The following TOX2 variants were observed in gnomAD, a reference collection of about 807,000 sequenced individuals.
TOX2 encodes granulosa cell HMG box 1.
A neutral mutation model predicts 47.4 loss-of-function variants in TOX2; 15 were observed. The observed-to-expected ratio is 0.32, with a 90% confidence interval of 0.21 to 0.49. TOX2 has a LOEUF of 0.49. Among genes scored for constraint, TOX2 ranks in the 20% least tolerant of loss-of-function variants. The pLI, the probability that TOX2 is intolerant of heterozygous loss-of-function variation, is 0.99. For synonymous variants in TOX2, 290 were observed against 296.6 expected (o/e 0.98, Z 0.23); for missense variants, 622 against 673.1 (o/e 0.92, Z 0.84).
At chr20:43,990,680 G>A (rs1569070071) in intron 2 of TOX2, among the ~76,000 whole-genome samples, 1 of 152,154 alleles carries the variant, frequency 6.6e-6, no homozygotes, top group Non-Finnish European at 1.5e-5. Flanking sequence ...GGCCTTGGAT[G>A]CCAAGCAGAG....
At chr20:44,016,626 G>A (rs1320909266) in intron 3 of TOX2, among the ~76,000 whole-genome samples, 1 of 152,032 alleles carries the variant, frequency 6.6e-6, no homozygotes, top group African/African-American at 2.4e-5. Context: ...AAATAAAAAC[G>A]AAAAATGTCT....
chr20:43,934,755 A>G (rs1326827525), intron 1 of TOX2, among the ~76,000 whole-genome samples: 1 of 150,230 alleles, frequency 6.7e-6, no homozygotes, highest in Non-Finnish European at 1.5e-5. Context: ...GCTTCTCCAC[A>G]TTGTCCACCC....
rs745681369 is a variant in TOX2 at position 44,056,981 on chromosome 20, C to T, written c.879+2455C>T. Among the ~76,000 whole-genome samples the T allele has an allele frequency of 3.3e-5, 5 of 152,212 alleles. No individual in the cohort carries two copies. In the East Asian group the frequency reaches 9.6e-4, roughly 29 times the overall value. The stretch of plus-strand genomic sequence containing the variant: ...CTAGAGGTCAGTGGCATGATCATAG[C>T]TCACTGCAGCCTTGAACTCCTGGGC... On this transcript the variant is annotated intron_variant, in intron 5 of 8. Coordinates refer to ENST00000341197, the MANE Select transcript of TOX2 (RefSeq NM_001098797.2).
At chr20:44,064,146 G>A (rs1447915479) in intron 5 of TOX2, among the ~76,000 whole-genome samples, 1 of 152,134 alleles carries the variant, frequency 6.6e-6, no homozygotes, top group African/African-American at 2.4e-5. Context: ...AGTTCCAAGA[G>A]TAGCAAGAGG....
chr20:43,934,273 G>T (rs1203012929), intron 1 of TOX2, among the ~76,000 whole-genome samples: 2 of 152,098 alleles, frequency 1.3e-5, no homozygotes, highest in African/African-American at 4.8e-5. Flanking sequence ...AAGAAGCATA[G>T]GAGGAGAACA....
chr20:44,005,722 C>A (rs6017240), intron 2 of TOX2, among the ~76,000 whole-genome samples: 115,924 of 152,148 alleles, frequency 0.76, 45,228 homozygotes, highest in African/African-American at 0.94. Context: ...GAATTTGATA[C>A]AATTGAAAAG....
At chr20:43,988,162 C>A (rs1045183231) in intron 2 of TOX2, among the ~76,000 whole-genome samples, 1 of 152,118 alleles carries the variant, frequency 6.6e-6, no homozygotes, top group African/African-American at 2.4e-5. Flanking sequence ...TCGTGATCTG[C>A]CCGCCTCGGC....
chr20:44,054,329 C>G lies in TOX2; in HGVS notation c.682C>G (p.Pro228Ala). The stretch of plus-strand genomic sequence containing the variant: ...GGGAGAAAAGAGACCTTCAGCCGAC[C>G]CAGGAAAAAAGGCCAAGAACCCGAA... ...ISGEKRPSAD[P>A]GKKAKNPKKK... The change falls in exon 5 of 9, where the codon CCA (proline) becomes GCA (alanine). Residue 228 changes from proline (P) to alanine (A), a missense_variant. Coordinates refer to ENST00000341197, the MANE Select transcript of TOX2 (RefSeq NM_001098797.2). 8 of 1,611,950 alleles carry G rather than the reference C, an allele frequency of 5.0e-6. No individual in the cohort carries two copies.
intron 1 of TOX2, among the ~76,000 whole-genome samples, chr20:43,970,062 C>T (rs1047633318): frequency 1.3e-5 from 2 of 152,136 alleles, no homozygotes; most frequent in Non-Finnish European, 2.9e-5. Flanking sequence ...ACCTGTTATG[C>T]GCCAGGCCCA....
At chr20:43,942,895 TA>T (rs1226137934) in intron 1 of TOX2, among the ~76,000 whole-genome samples, 1 of 151,942 alleles carries the variant, frequency 6.6e-6, no homozygotes, top group East Asian at 1.9e-4. Flanking sequence ...AAAAAAGAAC[TA>T]AAAAAATGCT....
At chr20:44,057,068 C>T (rs1467762480) in intron 5 of TOX2, among the ~76,000 whole-genome samples, 25 of 152,172 alleles carry the variant, frequency 1.6e-4, no homozygotes, top group Admixed American at 1.6e-3. Context: ...CATGCATCAC[C>T]ATGCCCCACA....
intron 1 of TOX2, among the ~76,000 whole-genome samples, chr20:43,932,556 C>T (rs1189962756): frequency 3.3e-5 from 5 of 152,306 alleles, no homozygotes; most frequent in Middle Eastern, 3.4e-3. Context: ...GCAGAGTTGA[C>T]GGAGCTTTGC....
chr20:44,023,124 T>G (rs1600748507), intron 3 of TOX2, among the ~76,000 whole-genome samples: 16 of 133,788 alleles, frequency 1.2e-4, no homozygotes, highest in South Asian at 2.4e-4. Flanking sequence ...GGAAGTGAGG[T>G]AGGAGGGAAA....
chr20:43,915,072 C>A lies in TOX2; in HGVS notation c.99+82C>A. The A allele has an allele frequency of 1.2e-6, 1 of 844,434 alleles. No homozygotes were observed. The highest frequency in any genetic ancestry group is 1.5e-6 in the Non-Finnish European group (1 of 667,210). 52.3% of individuals were successfully genotyped at this position (844,434 alleles called of 1,614,324 possible). A position where few individuals can be genotyped will look rare whatever the true frequency, so the allele number is the denominator to read the frequency against. On this transcript the variant is annotated intron_variant, in intron 1 of 8. Transcript: ENST00000341197. This position sits in a 1 kb window ranked among gnomAD's most constrained non-coding sequence, Gnocchi z 7.1. The stretch of plus-strand genomic sequence containing the variant: ...CGGGACTCAGGCGCTCCCGGGGTCA[C>A]ACGGGGCCGCGCACATCAGCCCCGC...
chr20:43,962,751 T>A (rs1455206472), intron 1 of TOX2, among the ~76,000 whole-genome samples: 1 of 152,182 alleles, frequency 6.6e-6, no homozygotes, highest in Non-Finnish European at 1.5e-5. Context: ...TCTCTGGGGT[T>A]CTGGGTCAGG....
At chr20:44,024,799 T>C (rs1006324485) in intron 3 of TOX2, among the ~76,000 whole-genome samples, 1 of 148,184 alleles carries the variant, frequency 6.7e-6, no homozygotes, top group Non-Finnish European at 1.5e-5. Context: ...CAATAATATA[T>C]ACAATATACA....
At chr20:44,049,514 A>G (rs568373508) in intron 3 of TOX2, among the ~76,000 whole-genome samples, 6 of 152,328 alleles carry the variant, frequency 3.9e-5, no homozygotes, top group Non-Finnish European at 5.9e-5. Flanking sequence ...TTTAAGCTCC[A>G]GGGTATATAT....
In TOX2 at chr20:44,051,392, C is replaced by A; in HGVS notation, c.498C>A (p.Ser166Arg). ...PLLGRPAMLA[S>R]HMSALSQSQL... ...TGGGTCGCCCGGCAATGCTGGCCAG[C>A]CACATGAGTGCCCTCAGCCAGTCCC... The change falls in exon 4 of 9, where the codon AGC (serine) becomes AGA (arginine). Residue 166 changes from serine (S) to arginine (R), a missense_variant. By Grantham distance (110) the Ser-to-Arg change is moderately radical. This residue lies in a region of TOX2 where 307 missense variants were observed against 327.3 expected (regional missense o/e 0.94). Transcript: ENST00000341197. The A allele has an allele frequency of 6.2e-7, 1 of 1,614,066 alleles. No homozygotes were observed. The highest frequency in any genetic ancestry group is 8.5e-7 in the Non-Finnish European group (1 of 1,179,990).
At chr20:44,026,255 A>ATATATATATATATATATATATATG (rs1281607498) in intron 3 of TOX2, among the ~76,000 whole-genome samples, 1 of 85,314 alleles carries the variant, frequency 1.2e-5, no homozygotes, top group Non-Finnish European at 2.6e-5. Flanking sequence ...ATATAGACAC[A>ATATATATATATATATATATATATG]CACACACACA....
Sources: allele counts gnomAD v4.1 joint callset (sites outside exome capture counted in the v4.1 genomes callset), GRCh38; gene constraint gnomAD v4.1.1; regional missense constraint gnomAD v4.1.1; non-coding constraint Gnocchi (gnomAD v3.1); transcripts MANE v1.5; gene names NCBI Gene and HGNC (gene_info 2026-07-23, HGNC 2026-07-21).